Variants in FGF13 observed in about 807,000 individuals in gnomAD.
FGF13 encodes fibroblast growth factor homologous factor 2.
FGF13 carries 2 observed loss-of-function variants against 19.5 expected under a neutral mutation model. That is an observed-to-expected ratio of 0.10 (90% CI 0.04 to 0.32). The LOEUF (loss-of-function observed/expected upper bound fraction) is 0.32. FGF13 is among the 10% of genes least tolerant of loss of function. The pLI, the probability that FGF13 is intolerant of heterozygous loss-of-function variation, is 1.00. For synonymous variants in FGF13, 72 were observed against 76.9 expected (o/e 0.94, Z 0.33); for missense variants, 113 against 192.7 (o/e 0.59, Z 2.45).
In FGF13 at chrX:138,631,956, T is replaced by C. The variant is rs937783887; in HGVS notation, c.*894A>G. ...CATACATATACAGATAAGACATTTC[T>C]TATTTTAACAACACAAAAGACAACA... On this transcript the variant is annotated 3_prime_UTR_variant, in exon 5 of 5. Transcript: ENST00000315930. 1.8e-5 allele frequency: 2 copies of C among 112,094 alleles called. No homozygotes were observed. Among genetic ancestry groups the C allele is most frequent in the Non-Finnish European group, 3.8e-5 (2 of 53,162 alleles). 9.2% of individuals were successfully genotyped at this position (112,094 alleles called of 1,213,427 possible).
At chrX:138,906,786 G>T (rs866178748) in intron 1 of FGF13, among the ~76,000 whole-genome samples, 3 of 110,730 alleles carry the variant, frequency 2.7e-5, no homozygotes, top group African/African-American at 9.9e-5. Context: ...CTGTGACATG[G>T]AGTCCTATAT....
At chrX:138,795,832 A>G (rs1269976368) in intron 3 of FGF13, among the ~76,000 whole-genome samples, 1 of 111,327 alleles carries the variant, frequency 9.0e-6, no homozygotes, top group Non-Finnish European at 1.9e-5. Context: ...GTCCAACAAA[A>G]GTTTATTAAA....
chrX:139,053,830 A>G lies in FGF13; in HGVS notation c.-113+149586T>C, dbSNP rs1438354033. 9.0e-5 allele frequency among the ~76,000 whole-genome samples: 10 copies of G among 111,570 alleles called. No individual in the cohort carries two copies. In the Admixed American group the frequency reaches 9.5e-4, roughly 11 times the overall value. On this transcript the variant is annotated intron_variant, in intron 1 of 2. Transcript: ENST00000421460. The stretch of plus-strand genomic sequence containing the variant: ...GTTCTTGGTCATGAAATCCTTGCCT[A>G]AGCCAATGTCTGGAAGGGTTTTTCC...
At chrX:138,970,698 C>G (rs1181432046) in intron 1 of FGF13, among the ~76,000 whole-genome samples, 1 of 111,424 alleles carries the variant, frequency 9.0e-6, no homozygotes, top group Non-Finnish European at 1.9e-5. Context: ...GTTAATACAT[C>G]ACTTCCAAAC....
chrX:138,929,175 A>G (rs1303477630), intron 1 of FGF13, among the ~76,000 whole-genome samples: 1 of 110,914 alleles, frequency 9.0e-6, no homozygotes, highest in Non-Finnish European at 1.9e-5. Context: ...CAAACTAGGA[A>G]GTAGTTTTAA....
chrX:139,168,346 T>C (rs2084102435), intron 1 of FGF13, among the ~76,000 whole-genome samples: 1 of 111,909 alleles, frequency 8.9e-6, no homozygotes, highest in African/African-American at 3.2e-5. Context: ...GAAATACATT[T>C]AGTATTTTTA....
At chrX:138,856,041 A>G (rs181212387), downstream of FGF13, among the ~76,000 whole-genome samples, 3 of 110,616 alleles carry the variant, frequency 2.7e-5, no homozygotes, top group African/African-American at 9.9e-5. Flanking sequence ...AATGTAGTAT[A>G]TATAGTAAAG....
chrX:138,766,260 C>T, intron 3 of FGF13, among the ~76,000 whole-genome samples: 1 of 112,245 alleles, frequency 8.9e-6, no homozygotes, highest in East Asian at 2.8e-4. Context: ...TTTGCACCTG[C>T]TACATAGTAG....
chrX:138,929,433 G>C (rs903261234), intron 1 of FGF13, among the ~76,000 whole-genome samples: 4 of 110,933 alleles, frequency 3.6e-5, no homozygotes, highest in Non-Finnish European at 7.5e-5. Context: ...CTGTAATCAT[G>C]GACTCTTCCA....
At chrX:138,872,675 G>T (rs980070961) in intron 1 of FGF13, among the ~76,000 whole-genome samples, 5 of 112,012 alleles carry the variant, frequency 4.5e-5, no homozygotes, top group Admixed American at 3.8e-4. Flanking sequence ...TTTTTGATAT[G>T]AATCGCATTA....
At chrX:139,061,781 C>A (rs1304315901) in intron 1 of FGF13, among the ~76,000 whole-genome samples, 1 of 110,250 alleles carries the variant, frequency 9.1e-6, no homozygotes, top group African/African-American at 3.3e-5. Context: ...GAAGTGGTAT[C>A]TTATTGTGGT....
chrX:138,840,160 T>C (rs1310194559), intron 3 of FGF13, among the ~76,000 whole-genome samples: 2 of 112,135 alleles, frequency 1.8e-5, no homozygotes, highest in African/African-American at 6.5e-5. Flanking sequence ...TGTATGTTTC[T>C]CTAGCTATTC....
At chrX:138,846,463 A>G (rs987702069) in intron 3 of FGF13, among the ~76,000 whole-genome samples, 7 of 111,501 alleles carry the variant, frequency 6.3e-5, no homozygotes, top group Non-Finnish European at 1.9e-5. Context: ...GAAGCAAATA[A>G]TTTCAATATG....
Position 138,617,577 on chromosome X carries a change from T to C in FGF13, c.*15273A>G, listed in dbSNP as rs2088979695. 9.0e-6 allele frequency: 1 copy of C among 111,512 alleles called. No homozygotes were observed. Among genetic ancestry groups the C allele is most frequent in the African/African-American group, 3.3e-5 (1 of 30,718 alleles). The allele number at this position is 111,512 out of a possible 1,213,427, so 9.2% of individuals were successfully genotyped here. ...TGTGTAAAAGAACCAAGGATCATCATGGTAAAGAGAATGAACATGAGGTGT... is the reference window on the plus strand; with the variant it reads ...TGTGTAAAAGAACCAAGGATCATCACGGTAAAGAGAATGAACATGAGGTGT... On this transcript the variant is annotated 3_prime_UTR_variant, in exon 5 of 5. Transcript: ENST00000315930.
At chrX:138,659,805 G>A (rs1025226720) in intron 3 of FGF13, among the ~76,000 whole-genome samples, 7 of 111,486 alleles carry the variant, frequency 6.3e-5, no homozygotes, top group Non-Finnish European at 1.1e-4. Flanking sequence ...AACTAACACA[G>A]GAACAGAAAA....
At chrX:138,802,894 C>G (rs1384745931) in intron 3 of FGF13, among the ~76,000 whole-genome samples, 1 of 111,662 alleles carries the variant, frequency 9.0e-6, no homozygotes, top group African/African-American at 3.3e-5. Flanking sequence ...TTCAGCACCT[C>G]AGACTCTTAA....
At chrX:138,948,580 C>A (rs1184393447) in intron 1 of FGF13, among the ~76,000 whole-genome samples, 1 of 111,963 alleles carries the variant, frequency 8.9e-6, no homozygotes, top group Non-Finnish European at 1.9e-5. Flanking sequence ...GCTGTGAAAT[C>A]AGTAGAGGGC....
chrX:138,880,909 G>A (rs921698149), intron 1 of FGF13, among the ~76,000 whole-genome samples: 2 of 111,406 alleles, frequency 1.8e-5, no homozygotes, highest in African/African-American at 3.3e-5. Flanking sequence ...CTATATAGGA[G>A]GCCCTTGTAA....
At chrX:139,153,868 C>A (rs1020383143) in intron 1 of FGF13, among the ~76,000 whole-genome samples, 2 of 110,758 alleles carry the variant, frequency 1.8e-5, no homozygotes, top group Non-Finnish European at 3.8e-5. Flanking sequence ...TGGGAAAAGG[C>A]CTTGAGAAGA....
Sources: gnomAD v4.1 joint callset for allele counts (sites outside exome capture counted in the v4.1 genomes callset) on GRCh38, gnomAD v4.1.1 for gene constraint, MANE v1.5 for transcripts, NCBI Gene and HGNC (gene_info 2026-07-23, HGNC 2026-07-21) for gene names.